SEC24C: variants seen among roughly 807,000 people sequenced by gnomAD.
The protein encoded by SEC24C is SEC24 homolog C, COPII component.
A neutral mutation model predicts 117.0 loss-of-function variants in SEC24C; 22 were observed. That is an observed-to-expected ratio of 0.19 (90% CI 0.13 to 0.27). The LOEUF (loss-of-function observed/expected upper bound fraction) is 0.27, where lower values mean the gene tolerates loss of function less well. Ranked by LOEUF, SEC24C falls within the 10% of genes least tolerant of loss-of-function variation. SEC24C has a pLI of 1.00. For synonymous variants in SEC24C, 506 were observed against 529.4 expected (o/e 0.96, Z 0.61); for missense variants, 1,155 against 1,375.1 (o/e 0.84, Z 2.53).
At chr10:73,759,987 C>T in intron 4 of SEC24C, 31 bp from the exon 5 acceptor site, 1 of 1,533,876 alleles carries the variant, frequency 6.5e-7, no homozygotes, top group Admixed American at 2.1e-5. Context: ...AATGACTGGG[C>T]TTTTGACTCT....
Position 73,769,343 on chromosome 10 carries a change from C to G in SEC24C, c.2425-4C>G, listed in dbSNP as rs1565049657. The G allele has an allele frequency of 6.2e-7, 1 of 1,613,752 alleles. No individual in the cohort carries two copies. ...GTGAGTTCCCCCTTTCTCCTTTCCC[C>G]TAGTGTGCCCTGCTTTACACCAGCT... On this transcript the variant is annotated splice_polypyrimidine_tract_variant and splice_region_variant and intron_variant, in intron 17 of 22. Coordinates refer to ENST00000345254, the MANE Select transcript of SEC24C (RefSeq NM_198597.3). This position sits in a 1 kb window ranked among gnomAD's most constrained non-coding sequence, Gnocchi z 4.5.
chr10:73,765,358 T>C, intron 8 of SEC24C, 93 bp from the exon 9 acceptor site: 5 of 1,407,876 alleles, frequency 3.6e-6, no homozygotes, highest in Non-Finnish European at 5.0e-6. Context: ...ATCTGCGCCA[T>C]GCGCCTTCTT....
At chr10:73,747,082 C>A in intron 2 of SEC24C, 78 bp downstream of exon 2, 2 of 1,334,446 alleles carry the variant, frequency 1.5e-6, no homozygotes, top group Non-Finnish European at 2.0e-6. Flanking sequence ...ATTGCTCTAG[C>A]TAAGCTACCT....
chr10:73,747,339 C>A (rs1300241960), intron 2 of SEC24C, among the ~76,000 whole-genome samples: 1 of 150,700 alleles, frequency 6.6e-6, no homozygotes, highest in Non-Finnish European at 1.5e-5. Context: ...TGCACCACCA[C>A]GTCCAGCTAA....
chr10:73,756,152 A>G (rs548432238), intron 3 of SEC24C, among the ~76,000 whole-genome samples: 66 of 152,248 alleles, frequency 4.3e-4, no homozygotes, highest in African/African-American at 1.4e-3. Flanking sequence ...GTGCCTGGCC[A>G]TCAAGTGAGG....
At chr10:73,753,290 G>A (rs57524395) in intron 3 of SEC24C, among the ~76,000 whole-genome samples, 2 of 152,266 alleles carry the variant, frequency 1.3e-5, no homozygotes, top group African/African-American at 2.4e-5. Context: ...GACCTCAAGT[G>A]ATCCACCCGC....
Position 73,770,808 on chromosome 10 carries a change from A to G in SEC24C, c.3144+10A>G. On this transcript the variant is annotated intron_variant, in intron 22 of 22. Coordinates refer to ENST00000345254, the MANE Select transcript of SEC24C (RefSeq NM_198597.3). ...ATCCCGGTACATGAAGGTAACACTG[A>G]TCTGAACCCTGGATTTCTTACCTTG... The G allele has an allele frequency of 6.2e-7, 1 of 1,613,972 alleles. No homozygotes were observed. Among genetic ancestry groups the G allele is most frequent in the Non-Finnish European group, 8.5e-7 (1 of 1,179,828 alleles).
intron 4 of SEC24C, 79 bp from the exon 5 acceptor site, chr10:73,759,939 G>A: frequency 6.6e-7 from 1 of 1,504,916 alleles, no homozygotes. Flanking sequence ...TGCCCCTCTT[G>A]TGTGGAAAGG....
rs750652135 is a variant in SEC24C, at chr10:73,766,570, TG to T, written c.1799+34del. On this transcript the variant is annotated intron_variant, in intron 12 of 22. Transcript: ENST00000345254. ...AGAGCCAGATTGTGGAGGTAAAGGT[TG>T]GGGGTGGCATGGGTACCACCATAGA... is the stretch of plus-strand genomic sequence containing the variant. 7 of 1,587,204 alleles carry T rather than the reference TG, an allele frequency of 4.4e-6. No homozygotes were observed. The Admixed American group carries it at 8.5e-5, about 19-fold the overall frequency.
At chr10:73,768,334 G>A (rs958870274) in intron 15 of SEC24C, among the ~76,000 whole-genome samples, 1 of 152,110 alleles carries the variant, frequency 6.6e-6, no homozygotes, top group Non-Finnish European at 1.5e-5. Flanking sequence ...CCGAGATTGC[G>A]CCACTGCACT....
chr10:73,749,539 CTTTT>C (rs1163386772), intron 2 of SEC24C, among the ~76,000 whole-genome samples: 2 of 139,494 alleles, frequency 1.4e-5, no homozygotes, highest in Non-Finnish European at 3.1e-5. Flanking sequence ...TTTTCTTTTT[CTTTT>C]TTTTTTTTTT....
rs544462646 is a variant in SEC24C, at chr10:73,771,589, C to T, written c.*494C>T. The T allele has an allele frequency of 1.3e-5, 2 of 158,078 alleles. No individual in the cohort carries two copies. Among genetic ancestry groups the T allele is most frequent in the East Asian group, 1.9e-4 (1 of 5,260 alleles). The allele number at this position is 158,078 out of a possible 1,614,324, so 9.8% of individuals were successfully genotyped here. A position where few individuals can be genotyped will look rare whatever the true frequency, so the allele number is the denominator to read the frequency against. ...GGTGGTGGAGAGAAAAGTGGTCAGT[C>T]CTTCTTGGGCCTGGAGGTTAGCAGT... On this transcript the variant is annotated 3_prime_UTR_variant, in exon 23 of 23. Transcript: ENST00000345254.
rs745366882 is a variant in SEC24C at position 73,770,411 on chromosome 10, A to C, written c.2994A>C (p.Gln998His). Residue 998 changes from glutamine (Q) to histidine (H), a missense_variant, in exon 21 of 23, where the codon CAA (glutamine) becomes CAC (histidine). By Grantham distance (24) the Gln-to-His change is conservative. Coordinates refer to ENST00000345254, the MANE Select transcript of SEC24C (RefSeq NM_198597.3). ...NLFLWVGASV[Q>H]QGVVQSLFSV... is the part of the protein sequence containing the mutation. ...TCCTCTGGGTGGGAGCAAGCGTCCA[A>C]CAGGGTGTTGTCCAGAGCCTTTTCA... is the stretch of plus-strand genomic sequence containing the variant. The C allele has an allele frequency of 1.3e-5, 21 of 1,614,016 alleles. No homozygotes were observed. Among genetic ancestry groups the C allele is most frequent in the South Asian group, 5.5e-5 (5 of 91,070 alleles).
At chr10:73,744,637 C>A (rs1189956068) in intron 1 of SEC24C, among the ~76,000 whole-genome samples, 200 bp downstream of exon 1, 2 of 152,166 alleles carry the variant, frequency 1.3e-5, no homozygotes, top group African/African-American at 4.8e-5. Flanking sequence ...ATTCCGGCTC[C>A]TGCTTCCTGC....
intron 11 of SEC24C, 28 bp from the exon 12 acceptor site, chr10:73,766,322 G>A: frequency 6.3e-7 from 1 of 1,586,472 alleles, no homozygotes; most frequent in South Asian, 1.2e-5. Context: ...AAGGTGGCAA[G>A]TCTAGGTAAC....
chr10:73,763,802 T>C, intron 7 of SEC24C, 54 bp from the exon 8 acceptor site: 2 of 1,580,196 alleles, frequency 1.3e-6, no homozygotes, highest in Non-Finnish European at 8.6e-7. Context: ...AATGGAGAGC[T>C]GGTGTCTGGA....
chr10:73,769,775 A>G lies in SEC24C; in HGVS notation c.2682+42A>G, dbSNP rs766555777. The G allele has an allele frequency of 6.2e-7, 1 of 1,612,430 alleles. No homozygotes were observed. The highest frequency in any genetic ancestry group is 8.5e-7 in the Non-Finnish European group (1 of 1,178,550). On this transcript the variant is annotated intron_variant, in intron 19 of 22. Transcript: ENST00000345254. The surrounding 1 kb of genome is among the most constrained non-coding windows in gnomAD (Gnocchi z 4.5). Reference sequence around the variant, plus strand: ...AGTGGGAGGTGGGGTTGTTGGGACAAATGTTTGCATTTGGGAGGGATTTCT... The same window carrying G: ...AGTGGGAGGTGGGGTTGTTGGGACAGATGTTTGCATTTGGGAGGGATTTCT...
intron 8 of SEC24C, 114 bp from the exon 9 acceptor site, chr10:73,765,335 CTG>C: frequency 8.7e-7 from 1 of 1,150,182 alleles, no homozygotes; most frequent in Non-Finnish European, 1.3e-6. Context: ...CCTACTCCCT[CTG>C]CAGACAGAAT....
At position 73,768,849 on chromosome 10, in the gene SEC24C, C is replaced by A; in HGVS notation, c.2221C>A (p.Arg741Ser). 6.2e-7 allele frequency: 1 copy of A among 1,613,890 alleles called. No individual in the cohort carries two copies. Among genetic ancestry groups the A allele is most frequent in the Non-Finnish European group, 8.5e-7 (1 of 1,180,022 alleles). ...DQERFLSDLR[R>S]DVQKVVGFDA... The stretch of plus-strand genomic sequence containing the variant: ...GGAGCGGTTCCTGAGTGACCTGCGT[C>A]GTGATGTCCAGAAGGTTGTTGGCTT... Residue 741 changes from arginine to serine, a missense_variant, in exon 16 of 23, where the codon CGT (arginine) becomes AGT (serine). Transcript: ENST00000345254.
Sources: gnomAD v4.1 joint callset for allele counts (sites outside exome capture counted in the v4.1 genomes callset) on GRCh38, gnomAD v4.1.1 for gene constraint, Gnocchi (gnomAD v3.1) non-coding constraint, MANE v1.5 for transcripts, NCBI Gene and HGNC (gene_info 2026-07-23, HGNC 2026-07-21) for gene names.